Variants in PACS2 observed in about 807,000 individuals in gnomAD.
PACS2 encodes phosphofurin acidic cluster sorting protein 2, also known as PACS1-like protein.
Under a neutral mutation model 113.0 loss-of-function variants are expected in PACS2, and 36 were observed. That is an observed-to-expected ratio of 0.32 (90% CI 0.24 to 0.42). PACS2 has a LOEUF of 0.42. Ranked by LOEUF, PACS2 falls within the 10% of genes least tolerant of loss-of-function variation. The pLI, the probability that PACS2 is intolerant of heterozygous loss-of-function variation, is 1.00. For synonymous variants in PACS2, 589 were observed against 536.1 expected (o/e 1.10, Z -1.36); for missense variants, 1,015 against 1,239.5 (o/e 0.82, Z 2.72).
intron 23 of PACS2, 76 bp downstream of exon 23, chr14:105,392,921 G>C: frequency 2.5e-6 from 3 of 1,204,188 alleles, no homozygotes; most frequent in Non-Finnish European, 3.6e-6. Context: ...GCAGTCAACA[G>C]GGATGACAGC....
intron 1 of PACS2, among the ~76,000 whole-genome samples, chr14:105,327,321 C>G (rs977786155): frequency 6.6e-6 from 1 of 152,212 alleles, no homozygotes. Flanking sequence ...GCGGCCAGGT[C>G]AGTGCCTGCC....
upstream of PACS2, among the ~76,000 whole-genome samples, chr14:105,311,497 T>C (rs1009172379): frequency 6.6e-6 from 1 of 152,106 alleles, no homozygotes; most frequent in Admixed American, 6.5e-5. Flanking sequence ...TCACGGGATC[T>C]GTGCGCTTTG....
Position 105,355,279 on chromosome 14 carries a change from A to G in PACS2, c.423+102A>G, listed in dbSNP as rs2060391366. 9 of 1,357,678 alleles carry G rather than the reference A, an allele frequency of 6.6e-6. No individual in the cohort carries two copies. In the South Asian group the frequency reaches 1.1e-4, roughly 17 times the overall value. 84.1% of individuals were successfully genotyped at this position (1,357,678 alleles called of 1,614,324 possible). A position where few individuals can be genotyped will look rare whatever the true frequency, so the allele number is the denominator to read the frequency against. On this transcript the variant is annotated intron_variant, in intron 4 of 24. Transcript: ENST00000447393. The surrounding 1 kb of genome is among the most constrained non-coding windows in gnomAD (Gnocchi z 4.1). ...ATGTCTCTCCCGGGTCCAGATGTCC[A>G]GGGATCAGGTGAAAATGATGAGAGG...
chr14:105,368,570 G>A (rs1320415260), intron 7 of PACS2, 31 bp downstream of exon 7: 3 of 1,558,890 alleles, frequency 1.9e-6, no homozygotes, highest in Non-Finnish European at 2.7e-6. Flanking sequence ...TGAATGCTGG[G>A]GAAGGCGAGG....
At chr14:105,342,292 G>T (rs999398255) in intron 1 of PACS2, among the ~76,000 whole-genome samples, 1 of 151,876 alleles carries the variant, frequency 6.6e-6, no homozygotes, top group Non-Finnish European at 1.5e-5. Context: ...GAGAGAGAGA[G>T]ACAGGGTCCT....
chr14:105,355,005 T>G lies in PACS2; in HGVS notation c.298-47T>G, dbSNP rs111940627. The G allele has an allele frequency of 2.8e-3, 4,407 of 1,600,220 alleles. 125 individuals are homozygous for G. In the African/African-American group the frequency reaches 0.053, roughly 19 times the overall value. On this transcript the variant is annotated intron_variant, in intron 3 of 24. Transcript: ENST00000447393. This position sits in a 1 kb window ranked among gnomAD's most constrained non-coding sequence, Gnocchi z 4.1. ...GGCCGTCAGAGGCCGTGATGCTGCC[T>G]GGGGCCCCGGTGCACCCTCAGCTGC...
At chr14:105,375,047 T>A (rs1344141302) in intron 8 of PACS2, 1 of 152,378 alleles carries the variant, frequency 6.6e-6, no homozygotes, top group Non-Finnish European at 1.5e-5. Flanking sequence ...CCCAGCACTT[T>A]GGGGGCTGAC....
chr14:105,392,165 C>G (rs1193309251), intron 22 of PACS2: 1 of 327,936 alleles, frequency 3.0e-6, no homozygotes, highest in Non-Finnish European at 5.7e-6. Context: ...CTCTCCGGAG[C>G]AGACCTCACT....
chr14:105,313,828 C>T (rs779116937), upstream of PACS2, among the ~76,000 whole-genome samples: 1 of 152,260 alleles, frequency 6.6e-6, no homozygotes, highest in Non-Finnish European at 1.5e-5. Flanking sequence ...TGGACCACAG[C>T]CGCTGCCAAA....
At chr14:105,388,081 T>C (rs2081238863) in intron 19 of PACS2, among the ~76,000 whole-genome samples, 2 of 152,192 alleles carry the variant, frequency 1.3e-5, no homozygotes, top group South Asian at 4.1e-4. Context: ...TTATTTGAAA[T>C]GGACAAGAAG....
At chr14:105,353,558 ATTTG>A (rs2060317657) in intron 3 of PACS2, among the ~76,000 whole-genome samples, 1 of 151,996 alleles carries the variant, frequency 6.6e-6, no homozygotes, top group South Asian at 2.1e-4. Flanking sequence ...GAAGATTTGT[ATTTG>A]TTTATTAGGT....
chr14:105,355,185 C>T lies in PACS2; in HGVS notation c.423+8C>T. The T allele has an allele frequency of 1.2e-6, 2 of 1,612,288 alleles. No individual in the cohort carries two copies. The highest frequency in any genetic ancestry group is 1.7e-6 in the Non-Finnish European group (2 of 1,179,486). ...TCCATCAGCATGGCTGAGGTGAGTG[C>T]TCCGTCTGGCGTGGCCTGCGTCGGG... On this transcript the variant is annotated splice_region_variant and intron_variant, in intron 4 of 24. Coordinates refer to ENST00000447393, the MANE Select transcript of PACS2 (RefSeq NM_001100913.3). This position sits in a 1 kb window ranked among gnomAD's most constrained non-coding sequence, Gnocchi z 4.1.
intron 1 of PACS2, among the ~76,000 whole-genome samples, chr14:105,339,890 C>T (rs141003460): frequency 2.0e-5 from 3 of 152,220 alleles, no homozygotes; most frequent in Middle Eastern, 3.4e-3. Flanking sequence ...GTGATCAGCC[C>T]TCCTCGGCCT....
chr14:105,370,007 A>G, intron 8 of PACS2, 107 bp downstream of exon 8: 5 of 968,668 alleles, frequency 5.2e-6, no homozygotes, highest in Non-Finnish European at 7.8e-6. Flanking sequence ...TCTGCCGCTC[A>G]CCGTCTGCAC....
At position 105,394,922 on chromosome 14, in the gene PACS2, T is replaced by C. The variant is rs1421967672; in HGVS notation, c.*250T>C. 8.8e-6 allele frequency: 4 copies of C among 453,862 alleles called. No individual in the cohort carries two copies. The highest frequency in any genetic ancestry group is 6.0e-5 in the African/African-American group (3 of 50,286). The allele number at this position is 453,862 out of a possible 1,614,324, so 28.1% of individuals were successfully genotyped here. A position where few individuals can be genotyped will look rare whatever the true frequency, so the allele number is the denominator to read the frequency against. Reference sequence around the variant, plus strand: ...CAGAAGGACGATGCTGAGCCATGGATCGCGGAAGGCGTCCTCTGGCCTCAG... The same window carrying C: ...CAGAAGGACGATGCTGAGCCATGGACCGCGGAAGGCGTCCTCTGGCCTCAG... On this transcript the variant is annotated 3_prime_UTR_variant, in exon 25 of 25. Coordinates refer to ENST00000447393, the MANE Select transcript of PACS2 (RefSeq NM_001100913.3).
At chr14:105,342,838 G>A (rs1190331701) in intron 1 of PACS2, among the ~76,000 whole-genome samples, 2 of 151,620 alleles carry the variant, frequency 1.3e-5, no homozygotes, top group African/African-American at 4.9e-5. Flanking sequence ...AGGAGGCTGA[G>A]GCAGGTGAAT....
chr14:105,327,552 C>A (rs587687790), intron 1 of PACS2, among the ~76,000 whole-genome samples: 4 of 152,054 alleles, frequency 2.6e-5, no homozygotes, highest in East Asian at 1.9e-4. Flanking sequence ...CGCTAGCGCT[C>A]GGAGCCTGTG....
chr14:105,375,481 CAA>C (rs34549878), intron 8 of PACS2, among the ~76,000 whole-genome samples: 137 of 51,390 alleles, frequency 2.7e-3, no homozygotes, highest in African/African-American at 7.9e-3. Context: ...GACTCCATCT[CAA>C]AAAAAAAAAA....
chr14:105,332,591 T>C (rs1475220643), intron 1 of PACS2, among the ~76,000 whole-genome samples: 1 of 151,846 alleles, frequency 6.6e-6, no homozygotes, highest in Non-Finnish European at 1.5e-5. Context: ...TGGGGCTGAG[T>C]TGGGAAGGTT....
Sources: allele counts gnomAD v4.1 joint callset (sites outside exome capture counted in the v4.1 genomes callset), GRCh38; gene constraint gnomAD v4.1.1; non-coding constraint Gnocchi (gnomAD v3.1); transcripts MANE v1.5; gene names NCBI Gene and HGNC (gene_info 2026-07-23, HGNC 2026-07-21).